CCNDBP1: variants seen among roughly 807,000 people sequenced by gnomAD.
The protein encoded by CCNDBP1 is cyclin-D1-binding protein 1.
A neutral mutation model predicts 46.2 loss-of-function variants in CCNDBP1; 45 were observed. That is an observed-to-expected ratio of 0.97 (90% confidence interval 0.77 to 1.25). The LOEUF (loss-of-function observed/expected upper bound fraction) is 1.25. CCNDBP1 is among the 50% of genes most tolerant of loss of function. The pLI, the probability that CCNDBP1 is intolerant of heterozygous loss-of-function variation, is 0.00. For synonymous variants in CCNDBP1, 154 were observed against 163.6 expected, an observed-to-expected ratio of 0.94 and a Z score of 0.45; for missense variants, 436 against 442.1, an observed-to-expected ratio of 0.99 and a Z score of 0.12.
In CCNDBP1 at chr15:43,197,063, G is replaced by A. The variant is rs751300338; in HGVS notation, c.*2222G>A. On this transcript the variant is annotated 3_prime_UTR_variant, in exon 11 of 11. Transcript: ENST00000300213. ...AACCCATTCTTGCCCTGTGATCTCTGCTCACGTTGCCTCCCTTCATCTTCC... is the reference window on the plus strand; with the variant it reads ...AACCCATTCTTGCCCTGTGATCTCTACTCACGTTGCCTCCCTTCATCTTCC... 6 of 533,586 alleles carry A rather than the reference G, an allele frequency of 1.1e-5. No individual in the cohort carries two copies. The highest frequency in any genetic ancestry group is 1.9e-5 in the African/African-American group (1 of 52,158). 33.1% of individuals were successfully genotyped at this position (533,586 alleles called of 1,614,324 possible).
rs184565375 is a variant in CCNDBP1, at chr15:43,187,409, A to C, written c.249+1176A>C. ...CTCAGCCTCTCGAGTAGCTGGGATT[A>C]CAGGCACCTGTCACCACGCCTGGCT... On this transcript the variant is annotated intron_variant, in intron 3 of 10. Coordinates refer to ENST00000300213, the MANE Select transcript of CCNDBP1 (RefSeq NM_012142.5). Among the ~76,000 whole-genome samples the C allele has an allele frequency of 1.1e-4, 16 of 151,892 alleles. No individual in the cohort carries two copies. The East Asian group carries it at 2.9e-3, about 28-fold the overall frequency.
At position 43,195,475 on chromosome 15, in the gene CCNDBP1, T is replaced by C. The variant is rs2042026891; in HGVS notation, c.*634T>C. The C allele has an allele frequency of 6.6e-6, 1 of 152,226 alleles. No individual in the cohort carries two copies. Among genetic ancestry groups the C allele is most frequent in the Admixed American group, 6.5e-5 (1 of 15,286 alleles). 9.4% of individuals were successfully genotyped at this position (152,226 alleles called of 1,614,324 possible). A position where few individuals can be genotyped will look rare whatever the true frequency, so the allele number is the denominator to read the frequency against. On this transcript the variant is annotated 3_prime_UTR_variant, in exon 11 of 11. Transcript: ENST00000300213. ...TCATTTGTTAGGTTTGCCCACCTTATTGAACAGATTTATTTTCCTTATACA... is the reference window on the plus strand; with the variant it reads ...TCATTTGTTAGGTTTGCCCACCTTACTGAACAGATTTATTTTCCTTATACA...
At chr15:43,186,275 A>C in intron 3 of CCNDBP1, 42 bp downstream of exon 3, 1 of 1,482,672 alleles carries the variant, frequency 6.7e-7, no homozygotes, top group South Asian at 1.1e-5. Flanking sequence ...GCCGAGTTAC[A>C]CCTTAGGAAT....
intron 7 of CCNDBP1, 31 bp from the exon 8 acceptor site, chr15:43,191,364 T>C: frequency 8.6e-7 from 1 of 1,166,264 alleles, no homozygotes; most frequent in South Asian, 2.0e-5. Context: ...TTTTTTTTTT[T>C]TGCATTCACA....
In CCNDBP1 at chr15:43,194,720, T is replaced by G. The variant is rs377259234; in HGVS notation, c.969-7T>G. 1.3e-5 allele frequency: 20 copies of G among 1,567,772 alleles called. No individual in the cohort carries two copies. In the Middle Eastern group the frequency reaches 6.7e-4, roughly 53 times the overall value. ...TTTAACTTACTTCTTTCCTATTCTA[T>G]TCACAGAGCAAGTCATGTGACCCCT... On this transcript the variant is annotated splice_region_variant and splice_polypyrimidine_tract_variant and intron_variant, in intron 10 of 10. Transcript: ENST00000300213.
At chr15:43,194,647 C>G in intron 10 of CCNDBP1, 80 bp from the exon 11 acceptor site, 2 of 1,191,450 alleles carry the variant, frequency 1.7e-6, no homozygotes, top group South Asian at 1.4e-5. Flanking sequence ...TTTTAGTTTT[C>G]CCTGTGCTCC....
At chr15:43,189,540 A>G (rs1444285972) in intron 4 of CCNDBP1, 11 of 409,486 alleles carry the variant, frequency 2.7e-5, no homozygotes, top group Non-Finnish European at 4.4e-5. Flanking sequence ...TCCCTCTTCA[A>G]CCCGTTTTAA....
chr15:43,190,460 C>T, intron 6 of CCNDBP1, 62 bp downstream of exon 6: 1 of 1,289,994 alleles, frequency 7.8e-7, no homozygotes, highest in Non-Finnish European at 1.1e-6. Flanking sequence ...TCATGTCTAG[C>T]TTCCAGCTTT....
At chr15:43,192,251 C>T (rs530979971) in intron 8 of CCNDBP1, among the ~76,000 whole-genome samples, 4 of 152,220 alleles carry the variant, frequency 2.6e-5, no homozygotes, top group Admixed American at 1.3e-4. Flanking sequence ...CCTGGATTCA[C>T]GTGATTGTTA....
Position 43,194,898 on chromosome 15 carries a change from A to T in CCNDBP1, c.*57A>T, listed in dbSNP as rs1416515325. 1 of 1,079,588 alleles carries T rather than the reference A, an allele frequency of 9.3e-7. No individual in the cohort carries two copies. The highest frequency in any genetic ancestry group is 1.4e-6 in the Non-Finnish European group (1 of 704,284). The allele number at this position is 1,079,588 out of a possible 1,614,324, so 66.9% of individuals were successfully genotyped here. ...CTCATCGTCATGGTCAGGCTCTGAT[A>T]CCTGCTTTTAAAATGGAGCTAGAAT... On this transcript the variant is annotated 3_prime_UTR_variant, in exon 11 of 11. Transcript: ENST00000300213.
rs759388448 is a variant in CCNDBP1, at chr15:43,186,185, C to T, written c.201C>T (p.Ala67=). 1.2e-6 allele frequency: 2 copies of T among 1,614,156 alleles called. No homozygotes were observed. The highest frequency in any genetic ancestry group is 2.2e-5 in the East Asian group (1 of 44,888). ...CAGCTGTGACTGTGTCAAGGGAAGC[C>T]ACGACTCTGACCATAGTCTTCTCTC... ...NEAAVTVSRE[A]TTLTIVFSQL... is the part of the protein sequence containing the mutation. The change falls in exon 3 of 11, where the codon GCC becomes GCT. Residue 67 remains alanine, a synonymous_variant. Coordinates refer to ENST00000300213, the MANE Select transcript of CCNDBP1 (RefSeq NM_012142.5).
intron 3 of CCNDBP1, among the ~76,000 whole-genome samples, chr15:43,187,028 A>C (rs948848799): frequency 1.3e-5 from 2 of 152,236 alleles, no homozygotes; most frequent in Admixed American, 1.3e-4. Flanking sequence ...TTATTATAAA[A>C]CTAATGAAAG....
rs1442550656 is a variant in CCNDBP1 at position 43,191,580 on chromosome 15, G to A, written c.765G>A (p.Leu255=). ...LALVRASKAC[L]KKIRMLVAEN... is the part of the protein sequence containing the mutation. Reference sequence around the variant, plus strand: ...TGGTGAGAGCATCCAAAGCCTGCCTGAAGAAAATTCGGATGTTAGTGGCAG... The same window carrying A: ...TGGTGAGAGCATCCAAAGCCTGCCTAAAGAAAATTCGGATGTTAGTGGCAG... The change falls in exon 8 of 11, where the codon CTG becomes CTA. Residue 255 remains leucine, a synonymous_variant. Coordinates refer to ENST00000300213, the MANE Select transcript of CCNDBP1 (RefSeq NM_012142.5). The A allele has an allele frequency of 1.2e-6, 2 of 1,613,958 alleles. No individual in the cohort carries two copies. The highest frequency in any genetic ancestry group is 1.7e-5 in the Admixed American group (1 of 59,990).
intron 7 of CCNDBP1, 66 bp from the exon 8 acceptor site, chr15:43,191,329 A>C: frequency 6.7e-7 from 1 of 1,481,502 alleles, no homozygotes; most frequent in South Asian, 1.4e-5. Context: ...TAAAAGTATA[A>C]TAATAGGCCT....
intron 3 of CCNDBP1, among the ~76,000 whole-genome samples, chr15:43,187,582 T>G (rs1323666844): frequency 1.3e-5 from 2 of 152,186 alleles, no homozygotes; most frequent in Non-Finnish European, 2.9e-5. Context: ...CCTTTGAGAT[T>G]TGTGATGAGG....
rs147637019 is a variant in CCNDBP1 at position 43,191,402 on chromosome 15, A to G, written c.587A>G (p.Glu196Gly). 1.3e-6 allele frequency: 2 copies of G among 1,573,380 alleles called. No individual in the cohort carries two copies. Among genetic ancestry groups the G allele is most frequent in the Non-Finnish European group, 1.7e-6 (2 of 1,156,850 alleles). ...DAHEEMEQAV[E>G]ECDPYSGLLN... is the part of the protein sequence containing the mutation. ...CATCATGGTATGTCTTAGGCTGTGG[A>G]AGAATGTGACCCTTACTCTGGCCTC... The change falls in exon 8 of 11, where the codon GAA becomes GGA. Residue 196 changes from glutamate (E) to glycine (G), a missense_variant. By Grantham distance (98) the Glu-to-Gly change is moderately conservative (BLOSUM62 -2). Transcript: ENST00000300213.
chr15:43,191,342 C>CTTTTT, intron 7 of CCNDBP1, 53 bp from the exon 8 acceptor site: 1 of 1,109,196 alleles, frequency 9.0e-7, no homozygotes, highest in Non-Finnish European at 1.2e-6. Flanking sequence ...ATAGGCCTCG[C>CTTTTT]CTTTTTTTTT....
chr15:43,194,670 G>C, intron 10 of CCNDBP1, 57 bp from the exon 11 acceptor site: 1 of 1,364,186 alleles, frequency 7.3e-7, no homozygotes. Context: ...CCTGAGGATA[G>C]GTTTTCCCTT....
rs1178865695 is a variant in CCNDBP1, at chr15:43,192,616, T to C, written c.861-127T>C. 7.7e-6 allele frequency: 6 copies of C among 776,088 alleles called. No individual in the cohort carries two copies. In the African/African-American group the frequency reaches 1.0e-4, roughly 13 times the overall value. 48.1% of individuals were successfully genotyped at this position (776,088 alleles called of 1,614,324 possible). The stretch of plus-strand genomic sequence containing the variant: ...AACTCATTCTGTATTGGTTGCCCAG[T>C]TGCCCAATTTTAAAAACTGACAGGC... On this transcript the variant is annotated intron_variant, in intron 8 of 10. Transcript: ENST00000300213.
Sources: gnomAD v4.1 joint callset for allele counts (sites outside exome capture counted in the v4.1 genomes callset) on GRCh38, gnomAD v4.1.1 for gene constraint, MANE v1.5 for transcripts, NCBI Gene and HGNC (gene_info 2026-07-23, HGNC 2026-07-21) for gene names.